Variants in IQSEC1 observed in about 807,000 individuals in gnomAD.
The protein encoded by IQSEC1 is IQ motif and Sec7 domain ArfGEF 1.
IQSEC1 carries 31 observed loss-of-function variants against 91.0 expected under a neutral mutation model. The ratio of observed to expected loss-of-function variants is 0.34; its 90% CI spans 0.26 to 0.46. The LOEUF is 0.46. Ranked by LOEUF, IQSEC1 falls within the 20% of genes least tolerant of loss-of-function variation. The pLI is 1.00. For missense variants in IQSEC1, 1,388 were observed against 1,575.6 expected, an observed-to-expected ratio of 0.88 and a Z score of 2.02; for synonymous variants, 699 against 662.6, an observed-to-expected ratio of 1.05 and a Z score of -0.84.
chr3:13,190,645 A>G (rs1694007944), intron 1 of IQSEC1, among the ~76,000 whole-genome samples: 2 of 152,154 alleles, frequency 1.3e-5, no homozygotes, highest in Admixed American at 1.3e-4. Context: ...TCTACGAAGG[A>G]TGGAATGACA....
At chr3:13,162,910 T>C (rs1438641064) in intron 2 of IQSEC1, among the ~76,000 whole-genome samples, 2 of 144,462 alleles carry the variant, frequency 1.4e-5, no homozygotes, top group African/African-American at 5.1e-5. Flanking sequence ...CCCCCCCTTA[T>C]CCCTTTAGCT....
intron 1 of IQSEC1, among the ~76,000 whole-genome samples, chr3:13,245,706 G>A (rs1337571277): frequency 6.6e-6 from 1 of 151,494 alleles, no homozygotes; most frequent in Non-Finnish European, 1.5e-5. Flanking sequence ...GGTGGAGGTT[G>A]CAGTGAGCAG....
rs546187455 is a variant in IQSEC1 at position 12,922,797 on chromosome 3, C to T, written c.1731-555G>A. 1.3e-5 allele frequency among the ~76,000 whole-genome samples: 2 copies of T among 152,202 alleles called. No homozygotes were observed. Among genetic ancestry groups the T allele is most frequent in the African/African-American group, 4.8e-5 (2 of 41,532 alleles). ...ATCTGTGGGGCAGGGCCTGGAGGGG[C>T]GGCTGATGAATGGTCTCCACATTCT... On this transcript the variant is annotated intron_variant, in intron 4 of 13. Transcript: ENST00000613206. This position sits in a 1 kb window ranked among gnomAD's most constrained non-coding sequence, Gnocchi z 5.1.
intron 3 of IQSEC1, among the ~76,000 whole-genome samples, chr3:12,925,428 C>T (rs1371268915): frequency 2.0e-5 from 3 of 152,208 alleles, no homozygotes; most frequent in African/African-American, 7.2e-5. Context: ...AGCCCAACAG[C>T]CATATAACCT....
chr3:12,985,407 T>C (rs1701678575), intron 1 of IQSEC1, among the ~76,000 whole-genome samples: 1 of 152,140 alleles, frequency 6.6e-6, no homozygotes, highest in African/African-American at 2.4e-5. Flanking sequence ...GATCCAGATC[T>C]GCTGGAGCCT....
intron 1 of IQSEC1, among the ~76,000 whole-genome samples, chr3:13,278,362 C>T (rs1370993853): frequency 6.6e-6 from 1 of 152,202 alleles, no homozygotes; most frequent in Non-Finnish European, 1.5e-5. Flanking sequence ...TACACTGCCA[C>T]CCCACGTGAC....
chr3:12,905,659 C>T (rs1396696093), intron 12 of IQSEC1, among the ~76,000 whole-genome samples: 2 of 152,250 alleles, frequency 1.3e-5, no homozygotes, highest in East Asian at 1.9e-4. Flanking sequence ...GAGGAAGCAC[C>T]ACCCTCTCTG....
At chr3:13,245,721 C>T (rs1020957791) in intron 1 of IQSEC1, among the ~76,000 whole-genome samples, 4 of 150,914 alleles carry the variant, frequency 2.7e-5, no homozygotes, top group Non-Finnish European at 2.9e-5. Flanking sequence ...GAGCAGAGGT[C>T]GCGCCACTGC....
chr3:12,993,444 C>A (rs1042210449), intron 1 of IQSEC1, among the ~76,000 whole-genome samples: 1 of 111,418 alleles, frequency 9.0e-6, no homozygotes, highest in Admixed American at 1.1e-4. Flanking sequence ...TTTCTCCGCC[C>A]GGAGGCAGCA....
intron 1 of IQSEC1, among the ~76,000 whole-genome samples, chr3:12,996,025 A>G (rs1033813586): frequency 6.6e-6 from 1 of 152,098 alleles, no homozygotes; most frequent in Non-Finnish European, 1.5e-5. Context: ...AAAATAAATT[A>G]ACCAGGCATG....
intron 1 of IQSEC1, among the ~76,000 whole-genome samples, chr3:13,062,570 G>C (rs1232636034): frequency 6.6e-6 from 1 of 152,116 alleles, no homozygotes. Context: ...CCCCACATCT[G>C]CTGAGCTCAC....
chr3:13,058,272 C>CA (rs1192631513), intron 1 of IQSEC1, among the ~76,000 whole-genome samples: 8 of 151,314 alleles, frequency 5.3e-5, no homozygotes, highest in South Asian at 2.1e-4. Flanking sequence ...GACTCTGTCT[C>CA]AAAAAAAAGA....
At position 12,941,836 on chromosome 3, in the gene IQSEC1, G is replaced by A. The variant is rs886125872; in HGVS notation, c.53C>T (p.Thr18Ile). ...FVEGEAPSSE[T>I]GTSLDSPSAY... ...TGAGGGGCTGTCCAGGGATGTGCCA[G>A]TCTCACTGCTGGGGGCCTCGCCCTC... Residue 18 changes from threonine to isoleucine, a missense_variant, in exon 2 of 14, where the codon ACT becomes ATT. Thr to Ile is a moderately conservative substitution (Grantham distance 89). This residue lies in a region of IQSEC1 where 1,059 missense variants were observed against 1,317.8 expected (regional missense o/e 0.80). Coordinates refer to ENST00000613206, the MANE Select transcript of IQSEC1 (RefSeq NM_001134382.3). 2 of 1,607,074 alleles carry A rather than the reference G, an allele frequency of 1.2e-6. No individual in the cohort carries two copies. Among genetic ancestry groups the A allele is most frequent in the African/African-American group, 1.3e-5 (1 of 74,998 alleles).
At chr3:12,916,771 T>C (rs1696135160) in intron 6 of IQSEC1, among the ~76,000 whole-genome samples, 1 of 152,068 alleles carries the variant, frequency 6.6e-6, no homozygotes, top group African/African-American at 2.4e-5. Context: ...AACAGGGGAG[T>C]GCTCAATCAT....
chr3:13,108,426 C>T (rs1706188816), intron 2 of IQSEC1, among the ~76,000 whole-genome samples: 1 of 152,090 alleles, frequency 6.6e-6, no homozygotes, highest in Non-Finnish European at 1.5e-5. Context: ...ATTTTTGGGG[C>T]TCTCAGTGCA....
At chr3:13,160,136 C>A (rs371014278) in intron 2 of IQSEC1, among the ~76,000 whole-genome samples, 2 of 152,202 alleles carry the variant, frequency 1.3e-5, no homozygotes, top group Non-Finnish European at 1.5e-5. Context: ...AAGTAGTGAG[C>A]GTGAATTCAC....
At chr3:12,903,599 A>G (rs1046176564) in intron 12 of IQSEC1, among the ~76,000 whole-genome samples, 1 of 152,250 alleles carries the variant, frequency 6.6e-6, no homozygotes, top group Non-Finnish European at 1.5e-5. Context: ...GGGGTCCGTC[A>G]GAGCAAGGCC....
At chr3:12,928,068 C>T (rs984144323) in intron 3 of IQSEC1, among the ~76,000 whole-genome samples, 10 of 152,146 alleles carry the variant, frequency 6.6e-5, no homozygotes, top group Admixed American at 3.3e-4. Context: ...TCCACAAGAG[C>T]GATGCCATGC....
intron 1 of IQSEC1, among the ~76,000 whole-genome samples, chr3:12,952,101 G>A (rs972660121): frequency 3.3e-5 from 5 of 152,194 alleles, no homozygotes; most frequent in Non-Finnish European, 1.5e-5. Flanking sequence ...CCTACAGGGC[G>A]TGGCGGGAGA....
Sources: allele counts gnomAD v4.1 joint callset (sites outside exome capture counted in the v4.1 genomes callset), GRCh38; gene constraint gnomAD v4.1.1; regional missense constraint gnomAD v4.1.1; non-coding constraint Gnocchi (gnomAD v3.1); transcripts MANE v1.5; gene names NCBI Gene and HGNC (gene_info 2026-07-23, HGNC 2026-07-21).